MGAT4C: variants seen among roughly 807,000 people sequenced by gnomAD.
The protein encoded by MGAT4C is alpha-1,3-mannosyl-glycoprotein 4-beta-N-acetylglucosaminyltransferase C.
In MGAT4C, 19 loss-of-function variants were observed where a neutral mutation model predicts 40.1. The observed-to-expected ratio is 0.47, with a 90% CI of 0.33 to 0.70. MGAT4C has a LOEUF of 0.70. Among genes scored for constraint, MGAT4C ranks in the 30% least tolerant of loss-of-function variants. The pLI is 0.02. For synonymous variants in MGAT4C, 181 were observed against 187.1 expected, an observed-to-expected ratio of 0.97 and a Z score of 0.27; for missense variants, 491 against 563.2, an observed-to-expected ratio of 0.87 and a Z score of 1.30.
intron 2 of MGAT4C, among the ~76,000 whole-genome samples, chr12:86,609,491 T>C (rs1022592257): frequency 6.6e-6 from 1 of 152,118 alleles, no homozygotes; most frequent in African/African-American, 2.4e-5. Flanking sequence ...ATAAACAAAA[T>C]TGATTGTAGA....
At chr12:86,708,864 T>C (rs1950509450) in intron 2 of MGAT4C, among the ~76,000 whole-genome samples, 1 of 152,210 alleles carries the variant, frequency 6.6e-6, no homozygotes, top group African/African-American at 2.4e-5. Flanking sequence ...ATCTATGAAG[T>C]AAGTAACTTG....
At chr12:86,184,208 C>T (rs1888455605) in intron 1 of MGAT4C, among the ~76,000 whole-genome samples, 10 of 151,608 alleles carry the variant, frequency 6.6e-5, no homozygotes, top group Admixed American at 6.6e-4. Flanking sequence ...AGTTTTTGGT[C>T]TCTACTAAAA....
chr12:86,390,282 T>G (rs1395470142), intron 3 of MGAT4C, among the ~76,000 whole-genome samples: 5 of 152,212 alleles, frequency 3.3e-5, no homozygotes. Flanking sequence ...TATGAGTTTC[T>G]GGAGTACTAT....
At chr12:86,389,092 G>T (rs1372725194) in intron 3 of MGAT4C, among the ~76,000 whole-genome samples, 1 of 152,060 alleles carries the variant, frequency 6.6e-6, no homozygotes, top group Non-Finnish European at 1.5e-5. Flanking sequence ...AGATTTGTTA[G>T]ATAGGTAAAC....
At chr12:86,261,410 A>G (rs1952655077) in intron 4 of MGAT4C, among the ~76,000 whole-genome samples, 1 of 152,098 alleles carries the variant, frequency 6.6e-6, no homozygotes, top group Non-Finnish European at 1.5e-5. Flanking sequence ...AAAATATACC[A>G]GACCAATTTT....
chr12:86,116,273 G>T (rs944593736), intron 1 of MGAT4C, among the ~76,000 whole-genome samples: 2 of 151,740 alleles, frequency 1.3e-5, no homozygotes, highest in Non-Finnish European at 2.9e-5. Context: ...TGCATTAACG[G>T]GCACTCTGAC....
chr12:86,491,408 C>T (rs1267973440), intron 2 of MGAT4C, among the ~76,000 whole-genome samples: 1 of 152,062 alleles, frequency 6.6e-6, no homozygotes, highest in Non-Finnish European at 1.5e-5. Context: ...AAAATACTGG[C>T]AAACTGAATC....
intron 1 of MGAT4C, among the ~76,000 whole-genome samples, chr12:86,750,465 T>A (rs554025006): frequency 6.6e-6 from 1 of 151,890 alleles, no homozygotes; most frequent in Admixed American, 6.6e-5. Context: ...TCCAAGGCAT[T>A]TGAGTGTGAG....
intron 2 of MGAT4C, among the ~76,000 whole-genome samples, chr12:86,493,505 G>A (rs568620205): frequency 3.2e-4 from 48 of 152,226 alleles, no homozygotes; most frequent in Admixed American, 1.4e-3. Flanking sequence ...TTGGCACATG[G>A]ATGAAACTGG....
chr12:86,463,821 A>G (rs1957637673), intron 2 of MGAT4C, among the ~76,000 whole-genome samples: 1 of 152,148 alleles, frequency 6.6e-6, no homozygotes, highest in African/African-American at 2.4e-5. Context: ...TGTTTTCCTT[A>G]TATCCATTTC....
rs1476025319 is a variant in MGAT4C at position 85,971,339 on chromosome 12, A to T, written c.*7950T>A. Reference sequence around the variant, plus strand: ...ATTACCTTGGTTTGGACAACTGAAAAATTTGCTAGGAAACAAATATTACAA... The same window carrying T: ...ATTACCTTGGTTTGGACAACTGAAATATTTGCTAGGAAACAAATATTACAA... On this transcript the variant is annotated 3_prime_UTR_variant, in exon 5 of 5. Coordinates refer to ENST00000611864, the MANE Select transcript of MGAT4C (RefSeq NM_001351288.2). The T allele has an allele frequency of 6.6e-6, 1 of 151,102 alleles. No homozygotes were observed. Among genetic ancestry groups the T allele is most frequent in the Non-Finnish European group, 1.5e-5 (1 of 67,298 alleles). 9.4% of individuals were successfully genotyped at this position (151,102 alleles called of 1,614,324 possible).
intron 1 of MGAT4C, among the ~76,000 whole-genome samples, chr12:86,213,583 T>C (rs1285373646): frequency 1.3e-5 from 2 of 152,134 alleles, no homozygotes; most frequent in Admixed American, 1.3e-4. Context: ...CAATCATAAT[T>C]GTTTATGTTT....
chr12:86,079,978 C>G (rs994968078), intron 1 of MGAT4C, among the ~76,000 whole-genome samples: 5 of 151,646 alleles, frequency 3.3e-5, no homozygotes, highest in Admixed American at 3.3e-4. Context: ...TTCCATTTTT[C>G]TTTTTTTCTT....
rs547377426 is a variant in MGAT4C, at chr12:86,665,985, A to C, written c.-229+61224T>G. Among the ~76,000 whole-genome samples, 3 of 152,310 alleles carry C rather than the reference A, an allele frequency of 2.0e-5. No homozygotes were observed. The Middle Eastern group carries it at 0.01, about 518-fold the overall frequency. ...TTTTTTAAGCCTCCATAATATTTCA[A>C]TTCAAGAAAATAACTACATTTTTTA... On this transcript the variant is annotated intron_variant, in intron 2 of 7. Transcript: ENST00000548651.
chr12:86,422,622 C>G (rs1317126590), intron 3 of MGAT4C, among the ~76,000 whole-genome samples: 1 of 152,066 alleles, frequency 6.6e-6, no homozygotes, highest in East Asian at 1.9e-4. Flanking sequence ...TATGCTAACT[C>G]TCAATTTAAA....
chr12:86,235,767 A>C (rs1951509004), intron 1 of MGAT4C, among the ~76,000 whole-genome samples: 1 of 152,078 alleles, frequency 6.6e-6, no homozygotes, highest in Non-Finnish European at 1.5e-5. Context: ...CTAGCTCCTG[A>C]GTAGATACTT....
At chr12:86,316,240 G>T (rs910127497) in intron 4 of MGAT4C, among the ~76,000 whole-genome samples, 2 of 152,104 alleles carry the variant, frequency 1.3e-5, no homozygotes, top group Admixed American at 6.5e-5. Flanking sequence ...GGCTGCAGAG[G>T]AAAGGGAATG....
chr12:86,666,058 A>G (rs529905110), intron 2 of MGAT4C, among the ~76,000 whole-genome samples: 3 of 152,330 alleles, frequency 2.0e-5, no homozygotes, highest in African/African-American at 7.2e-5. Context: ...GGCCAATGAA[A>G]CTGGAAAAGT....
intron 2 of MGAT4C, among the ~76,000 whole-genome samples, chr12:86,664,190 TC>T (rs1964046013): frequency 6.6e-6 from 1 of 151,714 alleles, no homozygotes; most frequent in Non-Finnish European, 1.5e-5. Context: ...AGGTGTAACA[TC>T]CGGAGACAAT....
Sources: gnomAD v4.1 joint callset for allele counts (sites outside exome capture counted in the v4.1 genomes callset) on GRCh38, gnomAD v4.1.1 for gene constraint, MANE v1.5 for transcripts, NCBI Gene and HGNC (gene_info 2026-07-23, HGNC 2026-07-21) for gene names.